GPR108: variants seen among roughly 807,000 people sequenced by gnomAD.
The protein encoded by GPR108 is protein GPR108.
GPR108 carries 60 observed loss-of-function variants against 74.3 expected under a neutral mutation model. That is an observed-to-expected ratio of 0.81 (90% CI 0.66 to 1.00). The LOEUF (loss-of-function observed/expected upper bound fraction) is 1.00. Ranked by LOEUF, GPR108 falls within the 50% of genes least tolerant of loss-of-function variation. The pLI, the probability that GPR108 is intolerant of heterozygous loss-of-function variation, is 0.00. For synonymous variants in GPR108, 311 were observed against 292.4 expected (o/e 1.06, Z -0.65); for missense variants, 667 against 703.3 (o/e 0.95, Z 0.58).
At chr19:6,736,477 G>T in intron 2 of GPR108, 115 bp downstream of exon 2, 1 of 1,078,254 alleles carries the variant, frequency 9.3e-7, no homozygotes, top group Non-Finnish European at 1.4e-6. Flanking sequence ...GACGAAACAG[G>T]CTCAGAGAGA....
At position 6,731,279 on chromosome 19, in the gene GPR108, T is replaced by G; in HGVS notation, c.1354A>C (p.Ile452Leu). 2 of 1,548,270 alleles carry G rather than the reference T, an allele frequency of 1.3e-6. No homozygotes were observed. Among genetic ancestry groups the G allele is most frequent in the Non-Finnish European group, 1.7e-6 (2 of 1,144,454 alleles). ...ATGCGGGTGAAGTAGACGTAGCAGA[T>G]GACCTGCAGGGGCGCGAGCAGGCGT... ...KLFRHYYVMV[I>L]CYVYFTRIIA... The change falls in exon 16 of 18, where the codon ATC (isoleucine) becomes CTC (leucine). Residue 452 changes from isoleucine to leucine, a missense_variant. By Grantham distance (5) the Ile-to-Leu change is conservative. Transcript: ENST00000264080.
chr19:6,730,901 T>TA, intron 17 of GPR108, 86 bp downstream of exon 17: 5 of 936,790 alleles, frequency 5.3e-6, no homozygotes, highest in East Asian at 3.2e-5. Context: ...CTACAGTCCC[T>TA]CCCCCCTGCC....
At chr19:6,731,432 G>T in intron 15 of GPR108, 41 bp downstream of exon 15, 1 of 1,517,302 alleles carries the variant, frequency 6.6e-7, no homozygotes, top group Non-Finnish European at 8.8e-7. Flanking sequence ...CAGCAGGCCG[G>T]TAATCCCCCC....
chr19:6,736,454 C>T, intron 2 of GPR108, 138 bp downstream of exon 2: 1 of 890,376 alleles, frequency 1.1e-6, no homozygotes, highest in South Asian at 1.6e-5. Context: ...CATCATTACT[C>T]CCAGGTACAG....
rs1031524902 is a variant in GPR108, at chr19:6,731,787, G to C, written c.1300+104C>G. ...GGGGCATCCAGGGAGGCAGAGGCCT[G>C]GGGGCTGGGCAGAGAGGCCAGGAGG... On this transcript the variant is annotated intron_variant, in intron 14 of 17. Coordinates refer to ENST00000264080, the MANE Select transcript of GPR108 (RefSeq NM_001080452.2). The C allele has an allele frequency of 2.2e-6, 3 of 1,343,960 alleles. No individual in the cohort carries two copies. The African/African-American group carries it at 4.3e-5, about 19-fold the overall frequency. The allele number at this position is 1,343,960 out of a possible 1,614,324, so 83.3% of individuals were successfully genotyped here.
chr19:6,733,011 C>G lies in GPR108; in HGVS notation c.909G>C (p.Lys303Asn). 6.2e-7 allele frequency: 1 copy of G among 1,607,894 alleles called. No individual in the cohort carries two copies. The highest frequency in any genetic ancestry group is 8.5e-7 in the Non-Finnish European group (1 of 1,177,310). The change falls in exon 10 of 18, where the codon AAG becomes AAC. Residue 303 changes from lysine to asparagine, a missense_variant. Coordinates refer to ENST00000264080, the MANE Select transcript of GPR108 (RefSeq NM_001080452.2). ...CGCTGTGGAAGAGGAGAGAGATGCTCTTGGTGAAGGCCAAGGCCGCCATGA... is the reference window on the plus strand; with the variant it reads ...CGCTGTGGAAGAGGAGAGAGATGCTGTTGGTGAAGGCCAAGGCCGCCATGA... ...HWLMAALAFT[K>N]SISLLFHSIN...
chr19:6,736,546 G>T (rs965867360), intron 2 of GPR108, 46 bp downstream of exon 2: 8 of 1,581,344 alleles, frequency 5.1e-6, no homozygotes, highest in African/African-American at 1.4e-5. Context: ...CAGAACCGGG[G>T]GATTGCACCG....
intron 3 of GPR108, 39 bp downstream of exon 3, chr19:6,735,869 C>A: frequency 6.2e-7 from 1 of 1,600,084 alleles, no homozygotes; most frequent in Non-Finnish European, 8.5e-7. Context: ...CCCCCTCCCT[C>A]CAGCCCCTTC....
In GPR108 at chr19:6,734,406, C is replaced by A. The variant is rs546750645; in HGVS notation, c.375-99G>T. On this transcript the variant is annotated intron_variant, in intron 4 of 17. Coordinates refer to ENST00000264080, the MANE Select transcript of GPR108 (RefSeq NM_001080452.2). ...GCCCCTTGGACCCTCTGCGTGTCCT[C>A]CCTGAGGGGCGGGGTCCAGTCGAGT... 2.0e-5 allele frequency: 24 copies of A among 1,178,092 alleles called. No homozygotes were observed. The Admixed American group carries it at 4.7e-4, about 23-fold the overall frequency. The allele number at this position is 1,178,092 out of a possible 1,614,324, so 73.0% of individuals were successfully genotyped here.
At position 6,734,173 on chromosome 19, in the gene GPR108, C is replaced by G. The variant is rs769501447; in HGVS notation, c.499+10G>C. Reference sequence around the variant, plus strand: ...CATCCACCCCCGTCTGCACAGCCAGCCTGACTCACCGCCATCCACCTTGCG... The same window carrying G: ...CATCCACCCCCGTCTGCACAGCCAGGCTGACTCACCGCCATCCACCTTGCG... On this transcript the variant is annotated intron_variant, in intron 5 of 17. Transcript: ENST00000264080. 1 of 1,614,174 alleles carries G rather than the reference C, an allele frequency of 6.2e-7. No homozygotes were observed. Among genetic ancestry groups the G allele is most frequent in the South Asian group, 1.1e-5 (1 of 91,080 alleles).
intron 2 of GPR108, among the ~76,000 whole-genome samples, chr19:6,736,309 C>T (rs953211640): frequency 2.6e-5 from 4 of 152,336 alleles, no homozygotes; most frequent in South Asian, 2.1e-4. Flanking sequence ...GTTGCCCAGG[C>T]TGGTCTTGAA....
chr19:6,731,542 G>T lies in GPR108; in HGVS notation c.1301-20C>A. The T allele has an allele frequency of 6.9e-7, 1 of 1,459,034 alleles. No individual in the cohort carries two copies. Among genetic ancestry groups the T allele is most frequent in the Non-Finnish European group, 9.1e-7 (1 of 1,099,756 alleles). The allele number at this position is 1,459,034 out of a possible 1,614,324, so 90.4% of individuals were successfully genotyped here. On this transcript the variant is annotated intron_variant, in intron 14 of 17. Coordinates refer to ENST00000264080, the MANE Select transcript of GPR108 (RefSeq NM_001080452.2). ...CTGCCACTGAGGGTGGGCACAGAGA[G>T]GGCGGTCAGGGGAGACTGAGGGTGG...
Position 6,736,627 on chromosome 19 carries a change from G to C in GPR108, c.205C>G (p.Leu69Val). Residue 69 changes from leucine (L) to valine (V), a missense_variant, in exon 2 of 18, where the codon CTG becomes GTG. Transcript: ENST00000264080. ...SLEVELSVLR[L>V]GLREAEEKSL... Reference sequence around the variant, plus strand: ...TTCTCTTCTGCCTCCCGGAGGCCCAGCCGCAGGACGCTCAACTCCACCTCC... The same window carrying C: ...TTCTCTTCTGCCTCCCGGAGGCCCACCCGCAGGACGCTCAACTCCACCTCC... 6.2e-7 allele frequency: 1 copy of C among 1,614,096 alleles called. No homozygotes were observed. Among genetic ancestry groups the C allele is most frequent in the Middle Eastern group, 1.6e-4 (1 of 6,062 alleles).
At chr19:6,732,426 C>G in intron 11 of GPR108, 46 bp from the exon 12 acceptor site, 1 of 1,611,552 alleles carries the variant, frequency 6.2e-7, no homozygotes. Flanking sequence ...GGGGCCAACC[C>G]TCCCCTGCCT....
chr19:6,731,202 G>C lies in GPR108; in HGVS notation c.1431C>G (p.Tyr477Ter), dbSNP rs60463209. The stretch of plus-strand genomic sequence containing the variant: ...CCCACCTGGGCCTCGGGCTCACCTG[G>C]TACAGCCACTGCCACTGAAAGGGCA... ...VAVPFQWQWL[Y>*]QLLVEGSTLA... Residue 477 changes from tyrosine (Y) to a stop codon, truncating the protein, a stop_gained, in exon 16 of 18, where the codon TAC becomes TAG. Transcript: ENST00000264080. LOFTEE classifies it high-confidence loss of function. 18 of 1,587,738 alleles carry C rather than the reference G, an allele frequency of 1.1e-5. No individual in the cohort carries two copies. Among genetic ancestry groups the C allele is most frequent in the Non-Finnish European group, 1.5e-5 (17 of 1,163,864 alleles).
intron 17 of GPR108, 38 bp from the exon 18 acceptor site, chr19:6,730,422 G>A (rs377258939): frequency 8.0e-5 from 126 of 1,570,316 alleles, no homozygotes; most frequent in Non-Finnish European, 1.1e-4. Context: ...AGCGTTGCAG[G>A]GCAGCAGGCC....
chr19:6,733,839 A>C lies in GPR108; in HGVS notation c.618+6T>G. 6.2e-7 allele frequency: 1 copy of C among 1,613,888 alleles called. No homozygotes were observed. Among genetic ancestry groups the C allele is most frequent in the Non-Finnish European group, 8.5e-7 (1 of 1,179,848 alleles). On this transcript the variant is annotated splice_donor_region_variant and intron_variant, in intron 7 of 17. Transcript: ENST00000264080. Reference sequence around the variant, plus strand: ...CGGAAGGGCCGCAGGCGCTGCAAACACTCACACTGAAGTTGTAGGAGTTGT... The same window carrying C: ...CGGAAGGGCCGCAGGCGCTGCAAACCCTCACACTGAAGTTGTAGGAGTTGT...
In GPR108 at chr19:6,734,311, G is replaced by C; in HGVS notation, c.375-4C>G. On this transcript the variant is annotated splice_polypyrimidine_tract_variant and splice_region_variant and intron_variant, in intron 4 of 17. Transcript: ENST00000264080. ...TCCATACTTCCGCACCTGGACCCTG[G>C]GGTGAGGGTGGGGTGGGGCATGAGG... 1 of 1,612,498 alleles carries C rather than the reference G, an allele frequency of 6.2e-7. No individual in the cohort carries two copies. Among genetic ancestry groups the C allele is most frequent in the Non-Finnish European group, 8.5e-7 (1 of 1,179,608 alleles).
chr19:6,737,152 A>T, intron 1 of GPR108: 2 of 414,364 alleles, frequency 4.8e-6, no homozygotes, highest in East Asian at 9.5e-5. Context: ...CTAGCGCCCC[A>T]AAAGTGATTC....
Sources: gnomAD v4.1 joint callset for allele counts (sites outside exome capture counted in the v4.1 genomes callset) on GRCh38, gnomAD v4.1.1 for gene constraint, MANE v1.5 for transcripts, NCBI Gene and HGNC (gene_info 2026-07-23, HGNC 2026-07-21) for gene names.